Variants in WDR36 observed in about 807,000 individuals in gnomAD.
The protein encoded by WDR36 is WD repeat domain 36.
Under a neutral mutation model 112.7 loss-of-function variants are expected in WDR36, and 63 were observed. That is an observed-to-expected ratio of 0.56 (90% confidence interval 0.46 to 0.69). The LOEUF is 0.69. Ranked by LOEUF, WDR36 falls within the 30% of genes least tolerant of loss-of-function variation. WDR36 has a pLI of 0.00. For synonymous variants in WDR36, 410 were observed against 362.2 expected (o/e 1.13, Z -1.50); for missense variants, 1,226 against 1,070.3 (o/e 1.15, Z -2.03).
chr5:111,120,782 G>A (rs994901613), intron 18 of WDR36, among the ~76,000 whole-genome samples, 189 bp downstream of exon 18: 26 of 152,086 alleles, frequency 1.7e-4, no homozygotes, highest in African/African-American at 6.0e-4. Context: ...CTATCAAATA[G>A]TATACCATTG....
intron 17 of WDR36, among the ~76,000 whole-genome samples, chr5:111,120,094 G>T (rs1580403210): frequency 6.6e-6 from 1 of 151,934 alleles, no homozygotes; most frequent in East Asian, 1.9e-4. Flanking sequence ...TAGAGAAGGG[G>T]AATCTATGAC....
In WDR36 at chr5:111,127,140, CA is replaced by C; in HGVS notation, c.*258del. 1 of 354,452 alleles carries C rather than the reference CA, an allele frequency of 2.8e-6. No individual in the cohort carries two copies. The highest frequency in any genetic ancestry group is 5.1e-6 in the Non-Finnish European group (1 of 197,368). The allele number at this position is 354,452 out of a possible 1,614,324, so 22.0% of individuals were successfully genotyped here. On this transcript the variant is annotated 3_prime_UTR_variant, in exon 23 of 23. Transcript: ENST00000513710. Reference sequence around the variant, plus strand: ...TTGCTTGAAGCCAGGAATTTGAGCCCAGCCTGGGCAACATAGCAAGCAAGAT... The same window carrying C: ...TTGCTTGAAGCCAGGAATTTGAGCCCGCCTGGGCAACATAGCAAGCAAGAT...
At chr5:111,094,310 G>C (rs1293761889) in intron 1 of WDR36, among the ~76,000 whole-genome samples, 2 of 152,128 alleles carry the variant, frequency 1.3e-5, no homozygotes, top group East Asian at 1.9e-4. Context: ...ATAAATACCT[G>C]TTTTACAGAT....
Position 111,126,992 on chromosome 5 carries a change from G to C in WDR36, c.*109G>C. 1.8e-6 allele frequency: 2 copies of C among 1,083,234 alleles called. No individual in the cohort carries two copies. The highest frequency in any genetic ancestry group is 2.6e-6 in the Non-Finnish European group (2 of 764,060). 67.1% of individuals were successfully genotyped at this position (1,083,234 alleles called of 1,614,324 possible). A position where few individuals can be genotyped will look rare whatever the true frequency, so the allele number is the denominator to read the frequency against. ...AAAGAAAATAAATGCTAGCACTACTGACTAGTCAGTATATCTCCACTTTAA... is the reference window on the plus strand; with the variant it reads ...AAAGAAAATAAATGCTAGCACTACTCACTAGTCAGTATATCTCCACTTTAA... On this transcript the variant is annotated 3_prime_UTR_variant, in exon 23 of 23. Coordinates refer to ENST00000513710, the MANE Select transcript of WDR36 (RefSeq NM_139281.3).
rs1010113320 is a variant in WDR36, at chr5:111,130,159, A to G, written c.*3276A>G. ...TTATAGGACTGATTTGGAGAGACCGACAATACCGAGTGCAGTCCTCCCTTG... is the reference window on the plus strand; with the variant it reads ...TTATAGGACTGATTTGGAGAGACCGGCAATACCGAGTGCAGTCCTCCCTTG... On this transcript the variant is annotated 3_prime_UTR_variant, in exon 23 of 23. Transcript: ENST00000513710. The G allele has an allele frequency of 1.4e-5, 3 of 208,386 alleles. No individual in the cohort carries two copies. Among genetic ancestry groups the G allele is most frequent in the Non-Finnish European group, 2.9e-5 (3 of 102,174 alleles). 12.9% of individuals were successfully genotyped at this position (208,386 alleles called of 1,614,324 possible).
At position 111,106,118 on chromosome 5, in the gene WDR36, T is replaced by C; in HGVS notation, c.1155T>C (p.Leu385=). ...TTCAGAATACCATGTCAGTGAGACT[T>C]CCACCCATCACAAAGTTTGCAGCAG... The part of the protein sequence containing the change: ...KGLQNTMSVR[L]PPITKFAAEE... The change falls in exon 11 of 23, where the codon CTT becomes CTC. Residue 385 remains leucine, a synonymous_variant. Coordinates refer to ENST00000513710, the MANE Select transcript of WDR36 (RefSeq NM_139281.3). 2 of 1,610,086 alleles carry C rather than the reference T, an allele frequency of 1.2e-6. No individual in the cohort carries two copies. Among genetic ancestry groups the C allele is most frequent in the Non-Finnish European group, 1.7e-6 (2 of 1,177,150 alleles).
chr5:111,116,171 A>C (rs1261291866), intron 16 of WDR36, among the ~76,000 whole-genome samples: 1 of 151,128 alleles, frequency 6.6e-6, no homozygotes, highest in African/African-American at 2.4e-5. Context: ...CTGATCTCAA[A>C]CTCCTGACCT....
At chr5:111,106,420 A>G (rs1312585759) in intron 11 of WDR36, among the ~76,000 whole-genome samples, 1 of 151,444 alleles carries the variant, frequency 6.6e-6, no homozygotes, top group Non-Finnish European at 1.5e-5. Context: ...GCCTGGTATA[A>G]TGAAAGTCAC....
In WDR36 at chr5:111,110,134, A is replaced by G. The variant is rs1753296884; in HGVS notation, c.1327-55A>G. ...GATAAAAAAATGCTTTGGAAAGCAT[A>G]AAGTGCAATAAAAATGTTAGTTATT... On this transcript the variant is annotated intron_variant, in intron 12 of 22. Coordinates refer to ENST00000513710, the MANE Select transcript of WDR36 (RefSeq NM_139281.3). 13 of 1,239,568 alleles carry G rather than the reference A, an allele frequency of 1.0e-5. No individual in the cohort carries two copies. The East Asian group carries it at 2.6e-4, about 25-fold the overall frequency. The allele number at this position is 1,239,568 out of a possible 1,614,324, so 76.8% of individuals were successfully genotyped here.
At chr5:111,107,538 C>G in intron 12 of WDR36, 99 bp downstream of exon 12, 3 of 1,483,756 alleles carry the variant, frequency 2.0e-6, no homozygotes, top group Non-Finnish European at 2.7e-6. Flanking sequence ...ACTGAAAAAA[C>G]GTAGTTTAAC....
At chr5:111,114,801 A>G (rs1753422744) in intron 16 of WDR36, among the ~76,000 whole-genome samples, 1 of 152,232 alleles carries the variant, frequency 6.6e-6, no homozygotes, top group Non-Finnish European at 1.5e-5. Context: ...GCTTTAAAAT[A>G]AGAAAGTTGT....
intron 9 of WDR36, 120 bp downstream of exon 9, chr5:111,104,937 T>G: frequency 6.7e-7 from 1 of 1,502,668 alleles, no homozygotes; most frequent in Non-Finnish European, 9.2e-7. Context: ...GACTTAGAAG[T>G]CTGGGTAAAA....
At chr5:111,110,993 T>C in intron 14 of WDR36, 40 bp downstream of exon 14, 1 of 1,606,756 alleles carries the variant, frequency 6.2e-7, no homozygotes, top group Non-Finnish European at 8.5e-7. Context: ...TTTGATTCTT[T>C]TGGTAAAAGT....
chr5:111,117,786 G>C (rs1561708634), intron 16 of WDR36, among the ~76,000 whole-genome samples: 1 of 152,138 alleles, frequency 6.6e-6, no homozygotes. Flanking sequence ...TCATTTGTGT[G>C]TACCTTCCTA....
Position 111,106,067 on chromosome 5 carries a change from TA to T in WDR36, c.1109del (p.Lys370ArgfsTer14), listed in dbSNP as rs1172558195. On this transcript the variant is annotated frameshift_variant, in exon 11 of 23. Coordinates refer to ENST00000513710, the MANE Select transcript of WDR36 (RefSeq NM_139281.3). LOFTEE classifies it high-confidence loss of function. ...TTCCCCCATCCTTAGGATTAATAAA[TA>T]AAAAGAGAGTTAAACGTAAAGGACT... ...NKSLGHGLIN[K>X]KRVKRKGLQN... 1 of 1,608,762 alleles carries T rather than the reference TA, an allele frequency of 6.2e-7. No individual in the cohort carries two copies. Among genetic ancestry groups the T allele is most frequent in the Non-Finnish European group, 8.5e-7 (1 of 1,176,144 alleles).
At chr5:111,126,637 C>A in intron 22 of WDR36, 97 bp from the exon 23 acceptor site, 1 of 1,333,092 alleles carries the variant, frequency 7.5e-7, no homozygotes, top group Non-Finnish European at 1.1e-6. Flanking sequence ...AAATATTCAC[C>A]TAGTGTCTTT....
At position 111,098,932 on chromosome 5, in the gene WDR36, G is replaced by T. The variant is rs558976274; in HGVS notation, c.409+93G>T. The T allele has an allele frequency of 6.4e-6, 6 of 936,884 alleles. No individual in the cohort carries two copies. The East Asian group carries it at 1.5e-4, about 23-fold the overall frequency. The allele number at this position is 936,884 out of a possible 1,614,324, so 58.0% of individuals were successfully genotyped here. ...TGTAAACATCTATGCCAGAGATTTT[G>T]CCTGTAAATAGTAAGAAATTAAAAA... On this transcript the variant is annotated intron_variant, in intron 4 of 22. Transcript: ENST00000513710.
At chr5:111,126,404 T>C (rs1448533304) in intron 22 of WDR36, among the ~76,000 whole-genome samples, 1 of 152,108 alleles carries the variant, frequency 6.6e-6, no homozygotes, top group African/African-American at 2.4e-5. Flanking sequence ...ATGATGCCGA[T>C]TTTTGGTGAT....
chr5:111,100,666 A>G lies in WDR36; in HGVS notation c.487A>G (p.Lys163Glu). Residue 163 changes from lysine to glutamate, a missense_variant, in exon 5 of 23, where the codon AAA becomes GAA. By Grantham distance (56) the Lys-to-Glu change is moderately conservative (BLOSUM62 1). Coordinates refer to ENST00000513710, the MANE Select transcript of WDR36 (RefSeq NM_139281.3). ...AILHPSTYLN[K>E]ILLGSEQGSL... is the part of the protein sequence containing the mutation. ...TTTGCATCCAAGTACCTACTTGAAT[A>G]AAATACTTCTGGGCAGTGAACAAGG... The G allele has an allele frequency of 6.2e-7, 1 of 1,608,594 alleles. No homozygotes were observed. Among genetic ancestry groups the G allele is most frequent in the Non-Finnish European group, 8.5e-7 (1 of 1,176,576 alleles).
Sources: allele counts gnomAD v4.1 joint callset (sites outside exome capture counted in the v4.1 genomes callset), GRCh38; gene constraint gnomAD v4.1.1; transcripts MANE v1.5; gene names NCBI Gene and HGNC (gene_info 2026-07-23, HGNC 2026-07-21).